Variants in FBXO4 observed in about 807,000 individuals in gnomAD.
FBXO4 encodes the protein F-box protein 4, also known as F-box only protein 4.
Under a neutral mutation model 43.7 loss-of-function variants are expected in FBXO4, and 36 were observed. The ratio of observed to expected loss-of-function variants is 0.82; its 90% confidence interval spans 0.63 to 1.09. The LOEUF is 1.09. Ranked by LOEUF, FBXO4 falls within the 50% of genes least tolerant of loss-of-function variation. The pLI, the probability that FBXO4 is intolerant of heterozygous loss-of-function variation, is 0.00. For missense variants in FBXO4, 435 were observed against 474.1 expected, an observed-to-expected ratio of 0.92 and a Z score of 0.77; for synonymous variants, 180 against 165.6, an observed-to-expected ratio of 1.09 and a Z score of -0.67.
intron 3 of FBXO4, among the ~76,000 whole-genome samples, chr5:41,932,704 G>T (rs927557670): frequency 1.1e-4 from 17 of 152,166 alleles, no homozygotes; most frequent in African/African-American, 4.1e-4. Flanking sequence ...AGATATAGGA[G>T]ACTGGTTAGA....
At chr5:41,998,758 C>G in the FBXO4 span, among the ~76,000 whole-genome samples, 1 of 152,160 alleles carries the variant, frequency 6.6e-6, no homozygotes, top group South Asian at 2.1e-4. Flanking sequence ...TCAGTGACAC[C>G]TGGTGAAACT....
the FBXO4 span, among the ~76,000 whole-genome samples, chr5:41,979,406 C>A: frequency 2.0e-5 from 3 of 152,314 alleles, no homozygotes; most frequent in Non-Finnish European, 4.4e-5. Flanking sequence ...CTATAGTGCA[C>A]AATCATACCT....
the FBXO4 span, among the ~76,000 whole-genome samples, chr5:41,987,876 T>C: frequency 3.3e-5 from 5 of 152,230 alleles, no homozygotes; most frequent in Non-Finnish European, 1.5e-5. Flanking sequence ...TTGTCTGTTC[T>C]TGTATGCTGT....
At chr5:41,983,730 C>G in the FBXO4 span, among the ~76,000 whole-genome samples, 2 of 151,954 alleles carry the variant, frequency 1.3e-5, no homozygotes, top group African/African-American at 4.8e-5. Flanking sequence ...TTATATTTCT[C>G]TTTGATTCTT....
At chr5:41,934,420 AT>A in intron 5 of FBXO4, 112 bp downstream of exon 5, 1 of 1,531,422 alleles carries the variant, frequency 6.5e-7, no homozygotes, top group Non-Finnish European at 8.7e-7. Flanking sequence ...TATTTTATCA[AT>A]GTGATTTTCT....
At chr5:41,961,020 TGGA>T in the FBXO4 span, among the ~76,000 whole-genome samples, 1 of 152,142 alleles carries the variant, frequency 6.6e-6, no homozygotes, top group Non-Finnish European at 1.5e-5. Flanking sequence ...GCAGATTTGG[TGGA>T]GTATTCTCCT....
rs1034921386 is a variant in FBXO4 at position 41,934,617 on chromosome 5, G to T, written c.898+309G>T. On this transcript the variant is annotated intron_variant, in intron 5 of 6. Transcript: ENST00000281623. ...CCAGGGAATTCTGATGCATTCCAAA[G>T]TTTGGTACTAGAGCTATACAATATT... is the stretch of plus-strand genomic sequence containing the variant. The T allele has an allele frequency of 1.3e-5, 16 of 1,271,222 alleles. No individual in the cohort carries two copies. The African/African-American group carries it at 2.3e-4, about 18-fold the overall frequency. 78.7% of individuals were successfully genotyped at this position (1,271,222 alleles called of 1,614,324 possible).
chr5:41,956,919 C>T, the FBXO4 span, among the ~76,000 whole-genome samples: 1 of 151,980 alleles, frequency 6.6e-6, no homozygotes, highest in South Asian at 2.1e-4. Flanking sequence ...ACCATGTTGG[C>T]CAGGCTGGTC....
the FBXO4 span, among the ~76,000 whole-genome samples, chr5:42,006,178 T>G: frequency 9.2e-5 from 14 of 152,144 alleles, no homozygotes; most frequent in Non-Finnish European, 2.1e-4. Flanking sequence ...TACAGTTCAA[T>G]TACTACATTT....
chr5:41,986,260 C>A, the FBXO4 span, among the ~76,000 whole-genome samples: 1 of 152,006 alleles, frequency 6.6e-6, no homozygotes. Context: ...TCTCTATTTT[C>A]CTTCCCTCTA....
chr5:41,929,247 A>G (rs1579974258), intron 2 of FBXO4, among the ~76,000 whole-genome samples: 2 of 152,258 alleles, frequency 1.3e-5, no homozygotes, highest in East Asian at 1.9e-4. Context: ...GCATTGTAGG[A>G]TTAATGTTTA....
the FBXO4 span, among the ~76,000 whole-genome samples, chr5:42,019,807 A>G: frequency 6.6e-6 from 1 of 152,032 alleles, no homozygotes; most frequent in South Asian, 2.1e-4. Context: ...TTTTCTACCT[A>G]GTGTTCTATA....
chr5:41,964,727 GTTGT>G, the FBXO4 span, among the ~76,000 whole-genome samples: 4 of 151,966 alleles, frequency 2.6e-5, no homozygotes, highest in African/African-American at 4.8e-5. Context: ...TGTTGATGGG[GTTGT>G]TTGTTTTTTT....
At chr5:41,981,075 A>G in the FBXO4 span, among the ~76,000 whole-genome samples, 3 of 152,036 alleles carry the variant, frequency 2.0e-5, no homozygotes, top group African/African-American at 7.2e-5. Flanking sequence ...CAATTCTGTA[A>G]TTTTTATCTG....
downstream of FBXO4, among the ~76,000 whole-genome samples, chr5:41,945,903 CTG>C (rs1323226412): frequency 6.6e-6 from 1 of 152,176 alleles, no homozygotes; most frequent in Admixed American, 6.5e-5. Flanking sequence ...TATGGAAAGA[CTG>C]TGTTTCTGTT....
At chr5:41,964,709 C>T in the FBXO4 span, among the ~76,000 whole-genome samples, 2,225 of 150,400 alleles carry the variant, frequency 0.015, 61 homozygotes, top group African/African-American at 0.052. Context: ...TCATATCCTT[C>T]GCCCACTTGT....
chr5:42,037,833 C>T, the FBXO4 span, among the ~76,000 whole-genome samples: 1 of 152,064 alleles, frequency 6.6e-6, no homozygotes, highest in African/African-American at 2.4e-5. Flanking sequence ...AATCCACAAT[C>T]CCCTTAGAAA....
At chr5:41,940,376 C>T (rs1305945820) in intron 6 of FBXO4, among the ~76,000 whole-genome samples, 2 of 152,132 alleles carry the variant, frequency 1.3e-5, no homozygotes, top group African/African-American at 4.8e-5. Context: ...ATTCTCATGC[C>T]TCAGCCTCCC....
At chr5:41,953,932 T>C in the FBXO4 span, among the ~76,000 whole-genome samples, 3 of 152,088 alleles carry the variant, frequency 2.0e-5, no homozygotes, top group African/African-American at 4.8e-5. Flanking sequence ...GAAGAAAACC[T>C]GAAGAAAAGT....
Sources: allele counts gnomAD v4.1 joint callset (sites outside exome capture counted in the v4.1 genomes callset), GRCh38; gene constraint gnomAD v4.1.1; transcripts MANE v1.5; gene names NCBI Gene and HGNC (gene_info 2026-07-23, HGNC 2026-07-21).